Variants in SIK2 observed in about 807,000 individuals in gnomAD.
The protein encoded by SIK2 is serine/threonine-protein kinase SIK2.
In SIK2, 29 loss-of-function variants were observed where a neutral mutation model predicts 103.2. That is an observed-to-expected ratio of 0.28 (90% confidence interval 0.21 to 0.38). The LOEUF (loss-of-function observed/expected upper bound fraction) is 0.38. SIK2 is among the 10% of genes least tolerant of loss of function. The probability of loss-of-function intolerance (pLI) is 1.00; values close to 1 mark genes in which losing one functional copy is unlikely to be tolerated. For missense variants in SIK2, 879 were observed against 1,171.0 expected (o/e 0.75, Z 3.64); for synonymous variants, 412 against 446.1 (o/e 0.92, Z 0.96).
rs777754901 is a variant in SIK2 at position 111,730,633 on chromosome 11, A to G, written c.*6504A>G. The G allele has an allele frequency of 1.3e-5, 2 of 152,254 alleles. No homozygotes were observed. The highest frequency in any genetic ancestry group is 2.9e-5 in the Non-Finnish European group (2 of 68,012). 9.4% of individuals were successfully genotyped at this position (152,254 alleles called of 1,614,324 possible). ...TAAGAAAAAAATTGGTGAGTTCAGT[A>G]GCTTTGGTATTATGAGTGCAAATCA... On this transcript the variant is annotated 3_prime_UTR_variant, in exon 15 of 15. Transcript: ENST00000304987.
chr11:111,719,340 A>T (rs12290221), intron 9 of SIK2, among the ~76,000 whole-genome samples: 8,166 of 145,516 alleles, frequency 0.056, 767 homozygotes, highest in African/African-American at 0.19. Flanking sequence ...AAATAGAAGA[A>T]TCTTGGTGAC....
At position 111,705,923 on chromosome 11, in the gene SIK2, C is replaced by G. The variant is rs1943334054; in HGVS notation, c.1101+784C>G. Among the ~76,000 whole-genome samples, 1 of 152,096 alleles carries G rather than the reference C, an allele frequency of 6.6e-6. No homozygotes were observed. Among genetic ancestry groups the G allele is most frequent in the Non-Finnish European group, 1.5e-5 (1 of 68,020 alleles). ...ACCGAAGGCTTAAACTCATATGGCACTGTTGGAAGTAGAAAAGAAGGGGCA... is the reference window on the plus strand; with the variant it reads ...ACCGAAGGCTTAAACTCATATGGCAGTGTTGGAAGTAGAAAAGAAGGGGCA... On this transcript the variant is annotated intron_variant, in intron 8 of 14. Transcript: ENST00000304987. The surrounding 1 kb of genome is among the most constrained non-coding windows in gnomAD (Gnocchi z 4.3).
At chr11:111,700,835 A>C (rs1462993880) in intron 4 of SIK2, 51 bp from the exon 5 acceptor site, 3 of 1,603,256 alleles carry the variant, frequency 1.9e-6, no homozygotes, top group Non-Finnish European at 2.6e-6. Context: ...AGAGAAATGC[A>C]GTATAGTTTG....
At chr11:111,692,363 A>C (rs1165661467) in intron 4 of SIK2, among the ~76,000 whole-genome samples, 1 of 118,218 alleles carries the variant, frequency 8.5e-6, no homozygotes, top group African/African-American at 4.0e-5. Flanking sequence ...AAAAAAAAAA[A>C]AAAAAAAAAA....
At position 111,610,247 on chromosome 11, in the gene SIK2, TG is replaced by T. The variant is rs550419651; in HGVS notation, c.136-5990del. On this transcript the variant is annotated intron_variant, in intron 1 of 14. Coordinates refer to ENST00000304987, the MANE Select transcript of SIK2 (RefSeq NM_015191.3). The stretch of plus-strand genomic sequence containing the variant: ...GCTCACGCCTGTAATCCCAGCACTT[TG>T]GGGGGCCGAGGCGGGTGGATTGCTT... 7.6e-4 allele frequency among the ~76,000 whole-genome samples: 115 copies of T among 152,210 alleles called. 1 individual carries two copies. The highest frequency in any genetic ancestry group is 3.5e-4 in the Non-Finnish European group (24 of 67,992).
At chr11:111,691,462 T>C (rs1942940446) in intron 4 of SIK2, among the ~76,000 whole-genome samples, 1 of 152,180 alleles carries the variant, frequency 6.6e-6, no homozygotes, top group African/African-American at 2.4e-5. Flanking sequence ...TTGGCCGAGC[T>C]GACACAGATA....
intron 4 of SIK2, among the ~76,000 whole-genome samples, chr11:111,692,453 T>C (rs922756656): frequency 2.2e-5 from 3 of 137,614 alleles, no homozygotes; most frequent in Non-Finnish European, 4.5e-5. Flanking sequence ...CTCAAGCAGA[T>C]GGATCCACAC....
At chr11:111,621,116 C>T (rs911438556) in intron 3 of SIK2, among the ~76,000 whole-genome samples, 9 of 152,268 alleles carry the variant, frequency 5.9e-5, no homozygotes, top group East Asian at 1.9e-4. Flanking sequence ...GTAAATTACA[C>T]GTATTTAATG....
In SIK2 at chr11:111,721,056, C is replaced by G; in HGVS notation, c.1938C>G (p.Cys646Trp). ...AGCTCCAGGACCTTGCTAGCAGCTG[C>G]CCTCAGGTGGGTACCTTGGGCCCTT... ...APQLQDLASSCPQEEVSQQQE... is the reference protein window; with the variant it reads ...APQLQDLASSWPQEEVSQQQE... Residue 646 changes from cysteine (C) to tryptophan (W), a missense_variant, in exon 12 of 15, where the codon TGC (cysteine) becomes TGG (tryptophan). By Grantham distance (215) the Cys-to-Trp change is radical. This residue lies in a region of SIK2 where 375 missense variants were observed against 416.3 expected (regional missense o/e 0.90). Transcript: ENST00000304987. The G allele has an allele frequency of 1.2e-6, 2 of 1,612,714 alleles. No individual in the cohort carries two copies. The highest frequency in any genetic ancestry group is 1.7e-6 in the Non-Finnish European group (2 of 1,179,480).
chr11:111,621,667 A>G (rs1331254127), intron 3 of SIK2, among the ~76,000 whole-genome samples: 2 of 152,154 alleles, frequency 1.3e-5, no homozygotes, highest in African/African-American at 4.8e-5. Context: ...TAATCCCAGC[A>G]CTTTTAGGAG....
intron 8 of SIK2, among the ~76,000 whole-genome samples, chr11:111,710,505 C>T (rs1405113094): frequency 6.6e-6 from 1 of 152,122 alleles, no homozygotes; most frequent in African/African-American, 2.4e-5. Flanking sequence ...TCTAACATAT[C>T]CCCCCATCCT....
chr11:111,677,586 A>ATTTTTTTTTTTTTTTTTTTTTT (rs11384906), intron 3 of SIK2, among the ~76,000 whole-genome samples: 3 of 110,940 alleles, frequency 2.7e-5, no homozygotes, highest in African/African-American at 7.1e-5. Context: ...CCCAGCTAAA[A>ATTTTTTTTTTTTTTTTTTTTTT]TTTTTTTTTT....
In SIK2 at chr11:111,712,290, C is replaced by T. The variant is rs911078519; in HGVS notation, c.1181C>T (p.Ser394Phe). ...LLRSALLPQASNVEAFSFPAS... is the reference protein window; with the variant it reads ...LLRSALLPQAFNVEAFSFPAS... ...CGATCTGCCCTCCTCCCCCAGGCAT[C>T]CAACGTGGAGGCCTTTTCATTTCCA... Residue 394 changes from serine (S) to phenylalanine (F), a missense_variant, in exon 9 of 15, where the codon TCC (serine) becomes TTC (phenylalanine). Ser to Phe is a radical substitution (Grantham distance 155). This residue lies in a region of SIK2 where 222 missense variants were observed against 258.0 expected (regional missense o/e 0.86). Coordinates refer to ENST00000304987, the MANE Select transcript of SIK2 (RefSeq NM_015191.3). 2 of 1,614,214 alleles carry T rather than the reference C, an allele frequency of 1.2e-6. No individual in the cohort carries two copies. The highest frequency in any genetic ancestry group is 1.7e-6 in the Non-Finnish European group (2 of 1,180,034).
At chr11:111,657,654 G>A (rs1942409249) in intron 3 of SIK2, among the ~76,000 whole-genome samples, 1 of 152,206 alleles carries the variant, frequency 6.6e-6, no homozygotes, top group Non-Finnish European at 1.5e-5. Flanking sequence ...CTCCCAAAGT[G>A]CTGGGATTAC....
intron 3 of SIK2, among the ~76,000 whole-genome samples, chr11:111,663,591 A>AT (rs1326002071): frequency 1.3e-5 from 2 of 151,946 alleles, no homozygotes; most frequent in African/African-American, 4.8e-5. Context: ...GGAAAGACTC[A>AT]TTTTTTCAGT....
At chr11:111,619,703 G>A (rs968205815) in intron 2 of SIK2, among the ~76,000 whole-genome samples, 1 of 152,120 alleles carries the variant, frequency 6.6e-6, no homozygotes, top group Non-Finnish European at 1.5e-5. Flanking sequence ...GATGTATGAC[G>A]ATGACACACT....
chr11:111,636,452 G>C (rs1942109835), intron 3 of SIK2, among the ~76,000 whole-genome samples: 1 of 152,172 alleles, frequency 6.6e-6, no homozygotes, highest in Non-Finnish European at 1.5e-5. Flanking sequence ...GGTACTAGGT[G>C]CTAAGAAATC....
At chr11:111,619,985 A>C (rs553278460) in intron 2 of SIK2, among the ~76,000 whole-genome samples, 2 of 152,224 alleles carry the variant, frequency 1.3e-5, no homozygotes, top group Non-Finnish European at 2.9e-5. Context: ...TATATTATCT[A>C]TACTAGTACT....
intron 9 of SIK2, among the ~76,000 whole-genome samples, chr11:111,718,322 ATTAAG>A (rs1943706243): frequency 6.6e-6 from 1 of 152,198 alleles, no homozygotes; most frequent in Non-Finnish European, 1.5e-5. Flanking sequence ...CAAGGAAACT[ATTAAG>A]TTTAGTCAAA....
Sources: gnomAD v4.1 joint callset for allele counts (sites outside exome capture counted in the v4.1 genomes callset) on GRCh38, gnomAD v4.1.1 for gene constraint, gnomAD v4.1.1 regional missense constraint, Gnocchi (gnomAD v3.1) non-coding constraint, MANE v1.5 for transcripts, NCBI Gene and HGNC (gene_info 2026-07-23, HGNC 2026-07-21) for gene names.